The following CFAP70 variants were observed in gnomAD, a reference collection of about 807,000 sequenced individuals.
The protein encoded by CFAP70 is cilia- and flagella-associated protein 70.
CFAP70 carries 81 observed loss-of-function variants against 137.6 expected under a neutral mutation model. That is an observed-to-expected ratio of 0.59 (90% confidence interval 0.49 to 0.71). The LOEUF (loss-of-function observed/expected upper bound fraction) is 0.71, where lower values mean the gene tolerates loss of function less well. Among genes scored for constraint, CFAP70 ranks in the 30% least tolerant of loss-of-function variants. CFAP70 has a pLI of 0.00. For synonymous variants in CFAP70, 382 were observed against 423.6 expected, an observed-to-expected ratio of 0.90 and a Z score of 1.20; for missense variants, 976 against 1,226.7, an observed-to-expected ratio of 0.80 and a Z score of 3.05.
chr10:73,275,305 AT>A lies in CFAP70; in HGVS notation c.2673+140del, dbSNP rs1443025950. On this transcript the variant is annotated intron_variant, in intron 22 of 26. Transcript: ENST00000310715. This position sits in a 1 kb window ranked among gnomAD's most constrained non-coding sequence, Gnocchi z 4.0. ...ACTCATGATTACTTAAGAAAAGCAA[AT>A]GGAAGGGTATAGAGAGATGAGTTTA... The A allele has an allele frequency of 1.1e-6, 1 of 893,314 alleles. No homozygotes were observed. The highest frequency in any genetic ancestry group is 1.6e-6 in the Non-Finnish European group (1 of 638,200). 55.3% of individuals were successfully genotyped at this position (893,314 alleles called of 1,614,324 possible).
intron 12 of CFAP70, 77 bp from the exon 14 acceptor site, chr10:73,299,742 T>A: frequency 8.4e-7 from 1 of 1,191,298 alleles, no homozygotes; most frequent in Non-Finnish European, 1.2e-6. Flanking sequence ...TTTTATCTTA[T>A]CCTCAAAGTG....
intron 8 of CFAP70, among the ~76,000 whole-genome samples, chr10:73,325,565 C>T (rs1170189714): frequency 6.6e-6 from 1 of 152,092 alleles, no homozygotes; most frequent in Non-Finnish European, 1.5e-5. Flanking sequence ...AGTCAAGACC[C>T]ATCAGTGTGC....
At chr10:73,263,144 CAGACTGG>C (rs2045428872) in intron 25 of CFAP70, among the ~76,000 whole-genome samples, 1 of 152,154 alleles carries the variant, frequency 6.6e-6, no homozygotes, top group Non-Finnish European at 1.5e-5. Context: ...CTGTATCACC[CAGACTGG>C]AGTGTAGTGG....
At chr10:73,344,697 T>C (rs530637263) in intron 5 of CFAP70, among the ~76,000 whole-genome samples, 2 of 152,272 alleles carry the variant, frequency 1.3e-5, no homozygotes, top group East Asian at 3.9e-4. Context: ...ACCTAGAAAT[T>C]TGGCCTAAGA....
intron 8 of CFAP70, among the ~76,000 whole-genome samples, chr10:73,323,949 A>T (rs373061300): frequency 7.9e-5 from 12 of 152,360 alleles, no homozygotes; most frequent in East Asian, 7.7e-4. Context: ...TGCAGACTTA[A>T]ATGTCCCTGT....
intron 15 of CFAP70, 117 bp from the exon 17 acceptor site, chr10:73,293,505 T>G (rs1034712324): frequency 8.0e-5 from 70 of 872,586 alleles, no homozygotes; most frequent in Non-Finnish European, 1.1e-4. Flanking sequence ...TACTGATTGA[T>G]GTCTATAATG....
At chr10:73,312,601 A>G (rs754549378) in exon 10 of CFAP70, 3 of 1,606,856 alleles carry the variant, frequency 1.9e-6, no homozygotes, top group South Asian at 2.3e-5. Flanking sequence ...TTATGAATCA[A>G]GTGATGGCCA....
intron 25 of CFAP70, among the ~76,000 whole-genome samples, chr10:73,264,203 T>G (rs945349513): frequency 3.3e-5 from 5 of 152,178 alleles, no homozygotes; most frequent in African/African-American, 1.2e-4. Flanking sequence ...TCTGGAATTT[T>G]GGCCATCTTC....
In CFAP70 at chr10:73,350,107, T is replaced by C. The variant is rs2054070429; in HGVS notation, c.251-1586A>G. Among the ~76,000 whole-genome samples, 4 of 152,230 alleles carry C rather than the reference T, an allele frequency of 2.6e-5. 1 individual carries two copies. The South Asian group carries it at 6.2e-4, about 24-fold the overall frequency. ...ATATTGCATTTGGTTGTCATGTTTCTTTTCATTTAGAACAGTCCCCCCTTT... is the reference window on the plus strand; with the variant it reads ...ATATTGCATTTGGTTGTCATGTTTCCTTTCATTTAGAACAGTCCCCCCTTT... On this transcript the variant is annotated intron_variant, in intron 3 of 26. Transcript: ENST00000310715.
At chr10:73,362,166 A>C (rs1452709061), upstream of CFAP70, among the ~76,000 whole-genome samples, 4 of 152,218 alleles carry the variant, frequency 2.6e-5, no homozygotes, top group Admixed American at 2.6e-4. Flanking sequence ...GGGGTAATAT[A>C]GTCTTTTAAA....
chr10:73,314,291 T>C (rs2132120241), intron 9 of CFAP70, among the ~76,000 whole-genome samples: 1 of 152,338 alleles, frequency 6.6e-6, no homozygotes, highest in South Asian at 2.1e-4. Context: ...TATTGTACAA[T>C]TTAAATAAAT....
At chr10:73,352,539 A>T (rs1382413104) in intron 3 of CFAP70, among the ~76,000 whole-genome samples, 2 of 152,128 alleles carry the variant, frequency 1.3e-5, no homozygotes, top group African/African-American at 4.8e-5. Flanking sequence ...AGCAAGAAGT[A>T]TGGGATATAT....
chr10:73,348,908 C>T (rs1284575172), intron 3 of CFAP70, among the ~76,000 whole-genome samples: 1 of 151,794 alleles, frequency 6.6e-6, no homozygotes, highest in Non-Finnish European at 1.5e-5. Context: ...ACTAAAAATA[C>T]AAAATTAGCC....
chr10:73,290,866 A>G (rs888857183), intron 19 of CFAP70, among the ~76,000 whole-genome samples: 3 of 152,176 alleles, frequency 2.0e-5, no homozygotes, highest in African/African-American at 7.2e-5. Context: ...CAGACCACTA[A>G]TCATATGAAT....
At chr10:73,355,380 C>T (rs1407009184) in intron 1 of CFAP70, among the ~76,000 whole-genome samples, 3 of 152,154 alleles carry the variant, frequency 2.0e-5, no homozygotes, top group African/African-American at 7.2e-5. Flanking sequence ...GAATCGAATG[C>T]CTGATTTGTC....
chr10:73,257,349 A>AT (rs2044624589), intron 25 of CFAP70, among the ~76,000 whole-genome samples: 1 of 152,212 alleles, frequency 6.6e-6, no homozygotes, highest in East Asian at 1.9e-4. Flanking sequence ...TGGATATGAG[A>AT]TAAGAACATT....
intron 25 of CFAP70, among the ~76,000 whole-genome samples, chr10:73,268,766 A>C (rs1269597747): frequency 6.6e-6 from 1 of 151,248 alleles, no homozygotes; most frequent in Non-Finnish European, 1.5e-5. Context: ...CAATCTCAGC[A>C]CCCTGCAACT....
chr10:73,340,586 G>A (rs7909456), intron 6 of CFAP70, among the ~76,000 whole-genome samples: 15,679 of 152,200 alleles, frequency 0.1, 1,162 homozygotes, highest in East Asian at 0.3. Flanking sequence ...ACAGTGCCCT[G>A]GCTGTTCATG....
At chr10:73,285,827 G>A (rs1254740846) in intron 19 of CFAP70, among the ~76,000 whole-genome samples, 1 of 151,802 alleles carries the variant, frequency 6.6e-6, no homozygotes, top group Non-Finnish European at 1.5e-5. Context: ...TAGAGATGGG[G>A]TTTCACCCTG....
Sources: allele counts gnomAD v4.1 joint callset (sites outside exome capture counted in the v4.1 genomes callset), GRCh38; gene constraint gnomAD v4.1.1; non-coding constraint Gnocchi (gnomAD v3.1); transcripts MANE v1.5; gene names NCBI Gene and HGNC (gene_info 2026-07-23, HGNC 2026-07-21).